Variants in HEATR5A observed in about 807,000 individuals in gnomAD.
The protein encoded by HEATR5A is HEAT repeat-containing protein 5A.
Under a neutral mutation model 218.8 loss-of-function variants are expected in HEATR5A, and 178 were observed. The ratio of observed to expected loss-of-function variants is 0.81; its 90% CI spans 0.72 to 0.92. HEATR5A has a LOEUF of 0.92. Ranked by LOEUF, HEATR5A falls within the 40% of genes least tolerant of loss-of-function variation. The probability of loss-of-function intolerance (pLI) is 0.00; values close to 1 mark genes in which losing one functional copy is unlikely to be tolerated. For missense variants in HEATR5A, 2,420 were observed against 2,418.9 expected, an observed-to-expected ratio of 1.00 and a Z score of -0.01; for synonymous variants, 864 against 871.6, an observed-to-expected ratio of 0.99 and a Z score of 0.15.
At chr14:31,293,741 TACTA>T in intron 35 of HEATR5A, 129 bp from the exon 36 acceptor site, 1 of 1,049,830 alleles carries the variant, frequency 9.5e-7, no homozygotes, top group African/African-American at 1.6e-5. Context: ...TCTAAATTAA[TACTA>T]AATAATATCA....
Position 31,293,311 on chromosome 14 carries a change from G to A in HEATR5A, c.6135C>T (p.Phe2045=), listed in dbSNP as rs1227265548. 1.3e-6 allele frequency: 2 copies of A among 1,578,790 alleles called. No individual in the cohort carries two copies. Among genetic ancestry groups the A allele is most frequent in the East Asian group, 4.5e-5 (2 of 44,660 alleles). Residue 2045 remains phenylalanine, a synonymous_variant, in exon 36 of 36, where the codon TTC becomes TTT. Transcript: ENST00000543095. ...KNSSIQLKTS[F]L ...TACTATTCCAAAAAAAAAATCAGAG[G>A]AAACTGGTCTTTAATTGGATGCTTG... is the stretch of plus-strand genomic sequence containing the variant.
At chr14:31,311,045 C>G (rs971656400) in intron 28 of HEATR5A, among the ~76,000 whole-genome samples, 1 of 150,842 alleles carries the variant, frequency 6.6e-6, no homozygotes, top group Admixed American at 6.6e-5. Flanking sequence ...AACCAACCAA[C>G]CAACCAACCA....
At position 31,295,945 on chromosome 14, in the gene HEATR5A, A is replaced by T; in HGVS notation, c.5583T>A (p.Asp1861Glu). Residue 1861 changes from aspartate (D) to glutamate (E), a missense_variant, in exon 34 of 36, where the codon GAT (aspartate) becomes GAA (glutamate). By Grantham distance (45) the Asp-to-Glu change is conservative. Coordinates refer to ENST00000543095, the MANE Select transcript of HEATR5A (RefSeq NM_015473.4). Reference protein sequence around the residue: ...TIPCLQKRCIDKFKATLEIKD... With the variant: ...TIPCLQKRCIEKFKATLEIKD... Reference sequence around the variant, plus strand: ...TTATCTCAAGAGTAGCTTTAAATTTATCAATACAGCGCTTCTGAAGGCATG... The same window carrying T: ...TTATCTCAAGAGTAGCTTTAAATTTTTCAATACAGCGCTTCTGAAGGCATG... 1.9e-6 allele frequency: 3 copies of T among 1,613,796 alleles called. No homozygotes were observed. Among genetic ancestry groups the T allele is most frequent in the Non-Finnish European group, 2.5e-6 (3 of 1,179,756 alleles).
intron 1 of HEATR5A, among the ~76,000 whole-genome samples, chr14:31,408,796 T>C (rs1481680465): frequency 1.3e-5 from 2 of 151,052 alleles, no homozygotes; most frequent in African/African-American, 4.9e-5. Flanking sequence ...GCACCAATAT[T>C]CTAGGGCCAG....
Position 31,308,009 on chromosome 14 carries a change from C to G in HEATR5A, c.4702G>C (p.Glu1568Gln). The G allele has an allele frequency of 8.7e-6, 14 of 1,608,844 alleles. No homozygotes were observed. Among genetic ancestry groups the G allele is most frequent in the Non-Finnish European group, 1.2e-5 (14 of 1,178,312 alleles). The change falls in exon 30 of 36, where the codon GAA becomes CAA. Residue 1568 changes from glutamate (E) to glutamine (Q), a missense_variant. Transcript: ENST00000543095. ...RFHLILGISV[E>Q]FLCSLRSDAT... ...TCTGAACGTAAGGAACATAGAAATT[C>G]CACGCTGATTCCTGTGGAAAGCAAA...
chr14:31,398,708 C>CT lies in HEATR5A; in HGVS notation c.411dup (p.Val138SerfsTer6), dbSNP rs2030753453. 1.3e-6 allele frequency: 2 copies of CT among 1,530,368 alleles called. No homozygotes were observed. The highest frequency in any genetic ancestry group is 2.7e-5 in the African/African-American group (2 of 73,036). The allele number at this position is 1,530,368 out of a possible 1,614,324, so 94.8% of individuals were successfully genotyped here. A position where few individuals can be genotyped will look rare whatever the true frequency, so the allele number is the denominator to read the frequency against. On this transcript the variant is annotated frameshift_variant, in exon 4 of 36. Coordinates refer to ENST00000543095, the MANE Select transcript of HEATR5A (RefSeq NM_015473.4). LOFTEE classifies it high-confidence loss of function. ...TTCATAGCTTTAAGAATATTCCCCA[C>CT]TGTATCAGTAAAGGTGTTACCCAGT... is the stretch of plus-strand genomic sequence containing the variant.
At chr14:31,297,614 A>C (rs1442968228) in intron 33 of HEATR5A, 1 of 152,238 alleles carries the variant, frequency 6.6e-6, no homozygotes, top group Non-Finnish European at 1.5e-5. Context: ...CAGTGAAAGC[A>C]AAATTTTATG....
chr14:31,358,928 AG>A lies in HEATR5A; in HGVS notation c.2200del (p.Leu734TyrfsTer36), dbSNP rs763922674. On this transcript the variant is annotated frameshift_variant, in exon 15 of 36. Transcript: ENST00000543095. LOFTEE classifies it high-confidence loss of function. ...AATAAATCTATGGTCAGTCTCTTGT[AG>A]GAAAGGACTTAGTATCAAAAGATCA... ...QDDLLILSPF[L>X]QETDHRFIEE... 7 of 1,593,532 alleles carry A rather than the reference AG, an allele frequency of 4.4e-6. No homozygotes were observed. In the Admixed American group the frequency reaches 1.3e-4, roughly 30 times the overall value.
intron 27 of HEATR5A, among the ~76,000 whole-genome samples, chr14:31,315,480 A>C (rs184123176): frequency 3.3e-5 from 5 of 152,306 alleles, no homozygotes; most frequent in Admixed American, 2.0e-4. Flanking sequence ...AGGAGACCCA[A>C]ATTTCCAATA....
intron 22 of HEATR5A, among the ~76,000 whole-genome samples, chr14:31,336,696 G>A (rs1900682414): frequency 6.6e-6 from 1 of 152,150 alleles, no homozygotes; most frequent in African/African-American, 2.4e-5. Context: ...TTATGAAAGT[G>A]AGATTCTGCG....
rs149487821 is a variant in HEATR5A, at chr14:31,385,929, T to C, written c.1345+491A>G. 3.6e-3 allele frequency among the ~76,000 whole-genome samples: 543 copies of C among 152,244 alleles called. 7 individuals are homozygous for C. Among genetic ancestry groups the C allele is most frequent in the African/African-American group, 0.012 (515 of 41,544 alleles). Reference sequence around the variant, plus strand: ...TTTTAGTAGAGACGGGGTTTTGCCATGTTGGCCAGGCTGGTCTTGAACTCC... The same window carrying C: ...TTTTAGTAGAGACGGGGTTTTGCCACGTTGGCCAGGCTGGTCTTGAACTCC... On this transcript the variant is annotated intron_variant, in intron 9 of 35. Coordinates refer to ENST00000543095, the MANE Select transcript of HEATR5A (RefSeq NM_015473.4).
chr14:31,324,747 C>T (rs556498679), intron 23 of HEATR5A, among the ~76,000 whole-genome samples: 11 of 150,176 alleles, frequency 7.3e-5, no homozygotes, highest in African/African-American at 1.7e-4. Context: ...ACTGCAGCCT[C>T]GAACACCTGG....
At chr14:31,383,030 T>G (rs1356094724) in intron 10 of HEATR5A, among the ~76,000 whole-genome samples, 1 of 152,008 alleles carries the variant, frequency 6.6e-6, no homozygotes, top group African/African-American at 2.4e-5. Context: ...AGAGCTATAA[T>G]CTGGGCACTA....
chr14:31,400,546 G>A, intron 2 of HEATR5A, 34 bp from the exon 3 acceptor site: 1 of 1,351,756 alleles, frequency 7.4e-7, no homozygotes, highest in Non-Finnish European at 1.0e-6. Flanking sequence ...ACAATTCAAA[G>A]TCAATATAAT....
chr14:31,354,489 T>C (rs1450064866), intron 16 of HEATR5A, among the ~76,000 whole-genome samples: 2 of 152,182 alleles, frequency 1.3e-5, no homozygotes, highest in South Asian at 2.1e-4. Context: ...ATTCAAGATA[T>C]ATGACACCAA....
chr14:31,331,187 A>C (rs1308364691), intron 22 of HEATR5A, among the ~76,000 whole-genome samples: 3 of 151,842 alleles, frequency 2.0e-5, no homozygotes, highest in Non-Finnish European at 4.4e-5. Context: ...TGATCCACCC[A>C]CCTCAGCCCC....
chr14:31,320,595 T>A, intron 25 of HEATR5A: 1 of 766,182 alleles, frequency 1.3e-6, no homozygotes, highest in Non-Finnish European at 2.3e-6. Flanking sequence ...CAACAGCAGA[T>A]CAGAGCTGGA....
chr14:31,366,387 A>C (rs1313408752), intron 13 of HEATR5A, among the ~76,000 whole-genome samples: 1 of 152,238 alleles, frequency 6.6e-6, no homozygotes, highest in Non-Finnish European at 1.5e-5. Flanking sequence ...AATAGCTAAC[A>C]CACAAAAAGT....
At chr14:31,367,466 C>T (rs567947658) in intron 13 of HEATR5A, among the ~76,000 whole-genome samples, 112 of 150,758 alleles carry the variant, frequency 7.4e-4, no homozygotes, top group Admixed American at 1.1e-3. Flanking sequence ...GTGGCGTGAT[C>T]TTGACTCACT....
Sources: allele counts gnomAD v4.1 joint callset (sites outside exome capture counted in the v4.1 genomes callset), GRCh38; gene constraint gnomAD v4.1.1; transcripts MANE v1.5; gene names NCBI Gene and HGNC (gene_info 2026-07-23, HGNC 2026-07-21).